SLC25A44: variants seen among roughly 807,000 people sequenced by gnomAD.
The protein encoded by SLC25A44 is solute carrier family 25, member 44.
SLC25A44 carries 17 observed loss-of-function variants against 29.9 expected under a neutral mutation model. The ratio of observed to expected loss-of-function variants is 0.57; its 90% CI spans 0.39 to 0.85. The LOEUF (loss-of-function observed/expected upper bound fraction) is 0.85, where lower values mean the gene tolerates loss of function less well. SLC25A44 is among the 40% of genes least tolerant of loss of function. The pLI is 0.00. For missense variants in SLC25A44, 302 were observed against 398.4 expected (o/e 0.76, Z 2.06); for synonymous variants, 140 against 151.8 (o/e 0.92, Z 0.57).
chr1:156,208,148 C>T lies in SLC25A44; in HGVS notation c.753+135C>T. On this transcript the variant is annotated intron_variant, in intron 3 of 3. Transcript: ENST00000359511. ...GTCAGTCTTCTCCTGAACATCTAAG[C>T]CCCTTCTGTGTGCTTAGCATCTGCA... 3 of 751,320 alleles carry T rather than the reference C, an allele frequency of 4.0e-6. No homozygotes were observed. In the South Asian group the frequency reaches 5.3e-5, roughly 13 times the overall value. The allele number at this position is 751,320 out of a possible 1,614,324, so 46.5% of individuals were successfully genotyped here. A position where few individuals can be genotyped will look rare whatever the true frequency, so the allele number is the denominator to read the frequency against.
chr1:156,207,149 G>A (rs1264617789), intron 2 of SLC25A44, among the ~76,000 whole-genome samples: 1 of 151,736 alleles, frequency 6.6e-6, no homozygotes, highest in African/African-American at 2.4e-5. Context: ...ACCAGCCTGC[G>A]CAACATAGTG....
intron 3 of SLC25A44, among the ~76,000 whole-genome samples, chr1:156,210,024 T>C (rs1657191400): frequency 6.6e-6 from 1 of 151,888 alleles, no homozygotes; most frequent in African/African-American, 2.4e-5. Flanking sequence ...TTACCCAAGG[T>C]TATGTTGTTA....
At chr1:156,205,073 C>T (rs1259949332) in intron 2 of SLC25A44, among the ~76,000 whole-genome samples, 1 of 150,120 alleles carries the variant, frequency 6.7e-6, no homozygotes, top group East Asian at 2.0e-4. Flanking sequence ...GATGGAGTTT[C>T]GCTCTTGTTG....
At chr1:156,197,473 T>TCC (rs2103031887) in intron 1 of SLC25A44, 1 of 152,292 alleles carries the variant, frequency 6.6e-6, no homozygotes, top group South Asian at 2.1e-4. Context: ...AACTGCTTTG[T>TCC]CCCGGCTGGG....
In SLC25A44 at chr1:156,194,165, G is replaced by C. The variant is rs1286103525; in HGVS notation, c.-96G>C. 1 of 152,858 alleles carries C rather than the reference G, an allele frequency of 6.5e-6. No homozygotes were observed. The highest frequency in any genetic ancestry group is 1.5e-5 in the Non-Finnish European group (1 of 68,076). 9.5% of individuals were successfully genotyped at this position (152,858 alleles called of 1,614,324 possible). ...CCGGCAGACGGCATTCGCTGGGAAC[G>C]ACGGATAGACTGGGGGCTGCGGCCT... On this transcript the variant is annotated 5_prime_UTR_variant, in exon 1 of 4. Transcript: ENST00000359511.
chr1:156,199,197 GC>G (rs1483087322), intron 1 of SLC25A44: 1 of 152,560 alleles, frequency 6.6e-6, no homozygotes, highest in Non-Finnish European at 1.5e-5. Context: ...GCTCTGAGAG[GC>G]CAGCACAGGA....
chr1:156,200,357 CA>C lies in SLC25A44; in HGVS notation c.511del (p.Arg171GlyfsTer90). ...CCTTTGGCCAAACCAAGGACATCAT[CA>C]GGCAGATCCTGCAGGCTGATGGACT... ...VAFGQTKDIIRQILQADGLRG... is the reference protein window; with the variant it reads ...VAFGQTKDIIXQILQADGLRG... On this transcript the variant is annotated frameshift_variant, in exon 2 of 4. Transcript: ENST00000359511. LOFTEE classifies it high-confidence loss of function. 1 of 1,614,130 alleles carries C rather than the reference CA, an allele frequency of 6.2e-7. No homozygotes were observed.
In SLC25A44 at chr1:156,200,102, C is replaced by G; in HGVS notation, c.255C>G (p.Ile85Met). Reference protein sequence around the residue: ...RGFLVNTFTLISGQCYVTTYE... With the variant: ...RGFLVNTFTLMSGQCYVTTYE... ...TCCTGGTCAATACCTTCACCCTCATCTCTGGCCAGTGTTATGTCACCACTT... is the reference window on the plus strand; with the variant it reads ...TCCTGGTCAATACCTTCACCCTCATGTCTGGCCAGTGTTATGTCACCACTT... Residue 85 changes from isoleucine to methionine, a missense_variant, in exon 2 of 4, where the codon ATC becomes ATG. Physicochemically the swap from Ile to Met is conservative, Grantham distance 10. Transcript: ENST00000359511. The G allele has an allele frequency of 6.2e-7, 1 of 1,614,200 alleles. No homozygotes were observed. The highest frequency in any genetic ancestry group is 8.5e-7 in the Non-Finnish European group (1 of 1,180,026).
intron 1 of SLC25A44, chr1:156,199,557 T>G: frequency 2.3e-6 from 1 of 439,172 alleles, no homozygotes; most frequent in Non-Finnish European, 4.1e-6. Flanking sequence ...GAGGAGGCCA[T>G]GGAGCCAGGG....
intron 1 of SLC25A44, 132 bp from the exon 2 acceptor site, chr1:156,199,703 G>T: frequency 5.5e-5 from 38 of 685,896 alleles, no homozygotes; most frequent in South Asian, 1.5e-4. Context: ...AGATTGGGTG[G>T]AGTCCAAGCT....
At position 156,200,139 on chromosome 1, in the gene SLC25A44, C is replaced by T. The variant is rs867302165; in HGVS notation, c.292C>T (p.Arg98Trp). The T allele has an allele frequency of 3.1e-6, 5 of 1,614,046 alleles. No individual in the cohort carries two copies. Among genetic ancestry groups the T allele is most frequent in the African/African-American group, 1.3e-5 (1 of 74,896 alleles). The change falls in exon 2 of 4, where the codon CGG becomes TGG. Residue 98 changes from arginine (R) to tryptophan (W), a missense_variant. Transcript: ENST00000359511. The stretch of plus-strand genomic sequence containing the variant: ...TTATGTCACCACTTATGAGCTCACC[C>T]GGAAGTTTGTAGCTGACTACAGCCA... ...QCYVTTYELT[R>W]KFVADYSQSN...
chr1:156,195,436 C>CA (rs1656152469), intron 1 of SLC25A44, among the ~76,000 whole-genome samples: 1 of 152,174 alleles, frequency 6.6e-6, no homozygotes, highest in South Asian at 2.1e-4. Flanking sequence ...CTGGGAGGCT[C>CA]AAAGGCTCAA....
At chr1:156,203,678 T>C in intron 2 of SLC25A44, among the ~76,000 whole-genome samples, 1 of 139,842 alleles carries the variant, frequency 7.2e-6, no homozygotes, top group African/African-American at 2.5e-5. Context: ...CCTCCCTTCC[T>C]TCCTTCTTTC....
At chr1:156,194,634 G>A (rs777111861) in intron 1 of SLC25A44, among the ~76,000 whole-genome samples, 4 of 152,178 alleles carry the variant, frequency 2.6e-5, no homozygotes, top group Non-Finnish European at 4.4e-5. Context: ...AGATGATCTC[G>A]AAGGAGGGTT....
At chr1:156,203,675 T>C (rs978740424) in intron 2 of SLC25A44, among the ~76,000 whole-genome samples, 20 of 140,104 alleles carry the variant, frequency 1.4e-4, no homozygotes, top group Admixed American at 2.8e-4. Context: ...CTCCCTCCCT[T>C]CCTTCCTTCT....
chr1:156,199,642 G>A, intron 1 of SLC25A44, 193 bp from the exon 2 acceptor site: 1 of 584,162 alleles, frequency 1.7e-6, no homozygotes, highest in South Asian at 2.2e-5. Flanking sequence ...ACCAAGAAGG[G>A]GACAGTATCC....
intron 2 of SLC25A44, among the ~76,000 whole-genome samples, chr1:156,203,980 A>G (rs1337376401): frequency 1.3e-5 from 2 of 151,116 alleles, no homozygotes; most frequent in Non-Finnish European, 2.9e-5. Context: ...CAGGGATTAC[A>G]GGCATGAGCC....
intron 2 of SLC25A44, 76 bp downstream of exon 2, chr1:156,200,548 T>C: frequency 1.5e-6 from 2 of 1,370,646 alleles, no homozygotes; most frequent in Non-Finnish European, 2.0e-6. Context: ...TTTGTGCATG[T>C]TAGAGTGGAG....
chr1:156,201,661 TTTTC>T (rs1199512468), intron 2 of SLC25A44, among the ~76,000 whole-genome samples: 5 of 150,742 alleles, frequency 3.3e-5, no homozygotes, highest in African/African-American at 1.2e-4. Flanking sequence ...CTTCTTCCTT[TTTTC>T]TTTCTTCTTC....
Sources: allele counts gnomAD v4.1 joint callset (sites outside exome capture counted in the v4.1 genomes callset), GRCh38; gene constraint gnomAD v4.1.1; transcripts MANE v1.5; gene names NCBI Gene and HGNC (gene_info 2026-07-23, HGNC 2026-07-21).